Variants in CCDC102B observed in about 807,000 individuals in gnomAD.
CCDC102B encodes coiled-coil domain containing 102B, also known as coiled-coil domain-containing protein 102B.
CCDC102B carries 75 observed loss-of-function variants against 57.4 expected under a neutral mutation model. The ratio of observed to expected loss-of-function variants is 1.31; its 90% CI spans 1.08 to 1.58. The LOEUF (loss-of-function observed/expected upper bound fraction) is 1.58, where lower values mean the gene tolerates loss of function less well. CCDC102B is among the 40% of genes most tolerant of loss of function. The pLI is 0.00. For synonymous variants in CCDC102B, 206 were observed against 201.9 expected, an observed-to-expected ratio of 1.02 and a Z score of -0.17; for missense variants, 636 against 582.6, an observed-to-expected ratio of 1.09 and a Z score of -0.94.
At chr18:68,727,322 C>T (rs2032641741) in intron 2 of CCDC102B, among the ~76,000 whole-genome samples, 1 of 152,138 alleles carries the variant, frequency 6.6e-6, no homozygotes, top group South Asian at 2.1e-4. Context: ...TAGTACCATT[C>T]TCTGGTATAT....
At chr18:68,861,075 GGT>G (rs1482508291) in intron 4 of CCDC102B, among the ~76,000 whole-genome samples, 3 of 150,128 alleles carry the variant, frequency 2.0e-5, no homozygotes, top group African/African-American at 4.9e-5. Flanking sequence ...TAACAGTTGT[GGT>G]ACAGTGCCCA....
intron 6 of CCDC102B, among the ~76,000 whole-genome samples, chr18:68,985,482 G>A (rs2050700937): frequency 6.6e-6 from 1 of 152,120 alleles, no homozygotes; most frequent in African/African-American, 2.4e-5. Flanking sequence ...TTGAAGAGCT[G>A]AGAAGCTATG....
intron 6 of CCDC102B, among the ~76,000 whole-genome samples, chr18:68,967,172 C>G (rs952544566): frequency 0.037 from 5 of 136 alleles, no homozygotes; most frequent in African/African-American, 0.11. Context: ...GTGTAGAACA[C>G]CCCTCTTCCC....
chr18:68,751,966 C>T (rs115063274), intron 2 of CCDC102B, among the ~76,000 whole-genome samples: 232 of 152,142 alleles, frequency 1.5e-3, no homozygotes, highest in African/African-American at 5.4e-3. Context: ...GAAAAAAAGA[C>T]AGAAACGCAT....
At chr18:69,000,226 TGTTA>T (rs1486592426) in intron 6 of CCDC102B, among the ~76,000 whole-genome samples, 1 of 152,176 alleles carries the variant, frequency 6.6e-6, no homozygotes, top group Non-Finnish European at 1.5e-5. Context: ...TGCTATTATG[TGTTA>T]GTTACTTTAT....
intron 6 of CCDC102B, among the ~76,000 whole-genome samples, chr18:68,908,896 T>C (rs1173133528): frequency 6.6e-6 from 1 of 151,878 alleles, no homozygotes; most frequent in African/African-American, 2.4e-5. Context: ...TTCTCCAAAG[T>C]TTTAACTGTG....
chr18:68,922,806 T>TG (rs796532237), intron 6 of CCDC102B, among the ~76,000 whole-genome samples: 22 of 144,874 alleles, frequency 1.5e-4, no homozygotes, highest in African/African-American at 5.1e-4. Flanking sequence ...AGGTTCCCAT[T>TG]GGGGGAAAGG....
chr18:68,822,220 C>T (rs1012689760), intron 1 of CCDC102B, among the ~76,000 whole-genome samples: 9 of 151,830 alleles, frequency 5.9e-5, no homozygotes, highest in Non-Finnish European at 1.2e-4. Flanking sequence ...ATAGTGAAAC[C>T]CTGTCTCTAC....
chr18:68,741,713 A>ACACACCCC (rs1393809459), intron 2 of CCDC102B, among the ~76,000 whole-genome samples: 4 of 97,650 alleles, frequency 4.1e-5, no homozygotes, highest in African/African-American at 1.3e-4. Context: ...ACACACACAC[A>ACACACCCC]CCCCAAGACA....
At chr18:68,832,919 G>A (rs952312063) in intron 1 of CCDC102B, among the ~76,000 whole-genome samples, 8 of 152,080 alleles carry the variant, frequency 5.3e-5, no homozygotes, top group African/African-American at 1.9e-4. Flanking sequence ...AAGCCAGAGG[G>A]ATGGACAGGC....
At chr18:68,838,960 C>G in intron 3 of CCDC102B, 34 bp downstream of exon 3, 1 of 1,546,876 alleles carries the variant, frequency 6.5e-7, no homozygotes. Flanking sequence ...TTAACCAAGT[C>G]TAAGTTTCAA....
chr18:68,783,662 GTCCCT>G (rs2035082181), intron 2 of CCDC102B, among the ~76,000 whole-genome samples: 1 of 152,082 alleles, frequency 6.6e-6, no homozygotes, highest in Admixed American at 6.5e-5. Flanking sequence ...ATGTTTAGAT[GTCCCT>G]GTCATCAGTT....
intron 2 of CCDC102B, among the ~76,000 whole-genome samples, chr18:68,764,237 G>A (rs1032505796): frequency 7.2e-5 from 11 of 152,072 alleles, no homozygotes; most frequent in African/African-American, 2.7e-4. Context: ...TATTCCAGCT[G>A]CTCCATATAA....
chr18:68,979,639 T>G (rs1249023567), intron 6 of CCDC102B, among the ~76,000 whole-genome samples: 1 of 152,012 alleles, frequency 6.6e-6, no homozygotes, highest in African/African-American at 2.4e-5. Context: ...GACAAAGGAA[T>G]AGTTAATGGC....
At chr18:68,864,213 A>G (rs2038879321) in intron 4 of CCDC102B, among the ~76,000 whole-genome samples, 1 of 151,938 alleles carries the variant, frequency 6.6e-6, no homozygotes, top group African/African-American at 2.4e-5. Context: ...TTCCCCAAGG[A>G]ATCATCTGTT....
intron 2 of CCDC102B, among the ~76,000 whole-genome samples, chr18:68,741,377 G>GA (rs1469001429): frequency 1.3e-5 from 2 of 152,070 alleles, no homozygotes; most frequent in Non-Finnish European, 2.9e-5. Context: ...TTGAGCGACG[G>GA]ATTACATTTC....
At chr18:68,965,958 C>T (rs2050156361) in intron 6 of CCDC102B, among the ~76,000 whole-genome samples, 1 of 152,112 alleles carries the variant, frequency 6.6e-6, no homozygotes. Context: ...TGAGACACTC[C>T]TGTTACTGCT....
chr18:69,024,592 A>G (rs536038438), intron 7 of CCDC102B, among the ~76,000 whole-genome samples: 1 of 152,164 alleles, frequency 6.6e-6, no homozygotes, highest in African/African-American at 2.4e-5. Context: ...TGTTAGCACA[A>G]ATTATCAAGA....
intron 6 of CCDC102B, among the ~76,000 whole-genome samples, chr18:68,986,989 C>A (rs1042697351): frequency 6.6e-6 from 1 of 152,102 alleles, no homozygotes; most frequent in African/African-American, 2.4e-5. Context: ...TTAAAATGAC[C>A]ATACTGCACA....
Sources: gnomAD v4.1 joint callset for allele counts (sites outside exome capture counted in the v4.1 genomes callset) on GRCh38, gnomAD v4.1.1 for gene constraint, MANE v1.5 for transcripts, NCBI Gene and HGNC (gene_info 2026-07-23, HGNC 2026-07-21) for gene names.